The following TBCK variants were observed in gnomAD, a reference collection of about 807,000 sequenced individuals.
TBCK encodes TBC1 domain containing kinase.
A neutral mutation model predicts 113.4 loss-of-function variants in TBCK; 99 were observed. The observed-to-expected ratio is 0.87, with a 90% CI of 0.74 to 1.03. The LOEUF (loss-of-function observed/expected upper bound fraction) is 1.03, where lower values mean the gene tolerates loss of function less well. Ranked by LOEUF, TBCK falls within the 50% of genes least tolerant of loss-of-function variation. The pLI is 0.00. For synonymous variants in TBCK, 369 were observed against 370.8 expected (o/e 1.00, Z 0.05); for missense variants, 1,045 against 1,061.3 (o/e 0.98, Z 0.21).
chr4:106,289,025 C>A (rs1579522154), intron 3 of TBCK, among the ~76,000 whole-genome samples: 1 of 152,172 alleles, frequency 6.6e-6, no homozygotes, highest in Non-Finnish European at 1.5e-5. Flanking sequence ...AAACAAATCC[C>A]AAATCCGAAA....
chr4:106,289,840 G>A (rs1765503923), intron 3 of TBCK, among the ~76,000 whole-genome samples: 1 of 150,772 alleles, frequency 6.6e-6, no homozygotes, highest in Non-Finnish European at 1.5e-5. Flanking sequence ...AAAACATTAA[G>A]TTAAGAATAA....
chr4:106,290,666 AC>A (rs71300770), intron 3 of TBCK, among the ~76,000 whole-genome samples: 2 of 151,820 alleles, frequency 1.3e-5, no homozygotes, highest in African/African-American at 2.4e-5. Context: ...GGGGTTCCCA[AC>A]CCCCCCACCA....
chr4:106,116,981 C>A (rs184986921), intron 23 of TBCK, among the ~76,000 whole-genome samples: 2 of 152,166 alleles, frequency 1.3e-5, no homozygotes, highest in East Asian at 1.9e-4. Flanking sequence ...CATCCCCCCC[C>A]CATCTCAAAC....
At chr4:106,274,870 G>A (rs1211270518) in intron 3 of TBCK, among the ~76,000 whole-genome samples, 1 of 152,114 alleles carries the variant, frequency 6.6e-6, no homozygotes, top group Non-Finnish European at 1.5e-5. Flanking sequence ...GGTAGCACAG[G>A]CCTGTAATCT....
At chr4:106,287,052 T>C (rs749323785) in intron 3 of TBCK, among the ~76,000 whole-genome samples, 5 of 152,114 alleles carry the variant, frequency 3.3e-5, no homozygotes, top group Non-Finnish European at 4.4e-5. Context: ...GAGACTACCA[T>C]ACTGATGACC....
intron 25 of TBCK, among the ~76,000 whole-genome samples, chr4:106,071,839 T>G (rs1737495441): frequency 6.6e-6 from 1 of 152,248 alleles, no homozygotes. Context: ...TTGATCCCTT[T>G]ACTATTATGT....
At chr4:106,196,741 T>C (rs1336915815) in intron 20 of TBCK, among the ~76,000 whole-genome samples, 1 of 152,106 alleles carries the variant, frequency 6.6e-6, no homozygotes, top group Non-Finnish European at 1.5e-5. Flanking sequence ...AATTGTTCAT[T>C]TAAATTTAAA....
At chr4:106,055,822 G>A (rs978595209) in intron 25 of TBCK, among the ~76,000 whole-genome samples, 45 of 151,050 alleles carry the variant, frequency 3.0e-4, no homozygotes, top group Non-Finnish European at 1.3e-4. Context: ...ACAAATACAA[G>A]TTATTAATAT....
At chr4:106,137,725 C>T (rs1338194342) in intron 23 of TBCK, among the ~76,000 whole-genome samples, 1 of 139,820 alleles carries the variant, frequency 7.2e-6, no homozygotes, top group Non-Finnish European at 1.6e-5. Context: ...AGAATCTCCT[C>T]CCCTCAAACA....
intron 25 of TBCK, among the ~76,000 whole-genome samples, chr4:106,048,010 G>A (rs1401738062): frequency 6.6e-6 from 1 of 152,060 alleles, no homozygotes; most frequent in African/African-American, 2.4e-5. Context: ...ATATCTCAAG[G>A]CAGCAATCTA....
chr4:106,161,053 G>C (rs1239811127), intron 23 of TBCK, among the ~76,000 whole-genome samples: 2 of 151,914 alleles, frequency 1.3e-5, no homozygotes, highest in Non-Finnish European at 2.9e-5. Context: ...GGGAGAATAA[G>C]GAATTACAAT....
At chr4:106,131,482 G>C (rs998471747) in intron 23 of TBCK, among the ~76,000 whole-genome samples, 49 of 152,122 alleles carry the variant, frequency 3.2e-4, no homozygotes, top group African/African-American at 1.2e-3. Context: ...GCATGGTGGC[G>C]CATGCCTGTA....
chr4:106,216,744 G>C (rs1647047584), intron 19 of TBCK, among the ~76,000 whole-genome samples: 1 of 151,842 alleles, frequency 6.6e-6, no homozygotes, highest in African/African-American at 2.4e-5. Flanking sequence ...CAACCAAAAA[G>C]AGTCCAGGAC....
At chr4:106,177,523 G>T (rs536279180) in intron 22 of TBCK, among the ~76,000 whole-genome samples, 2 of 151,972 alleles carry the variant, frequency 1.3e-5, no homozygotes, top group East Asian at 3.9e-4. Context: ...AGAGACAGGG[G>T]TCTAGTTTCA....
At chr4:106,306,985 G>A (rs1767593706) in intron 2 of TBCK, among the ~76,000 whole-genome samples, 1 of 152,040 alleles carries the variant, frequency 6.6e-6, no homozygotes, top group Non-Finnish European at 1.5e-5. Flanking sequence ...TTTATCATCT[G>A]CTAGACAATT....
At chr4:106,188,751 G>A (rs78466725) in intron 22 of TBCK, among the ~76,000 whole-genome samples, 19,717 of 152,106 alleles carry the variant, frequency 0.13, 1,619 homozygotes, top group South Asian at 0.24. Flanking sequence ...CAATACGTAC[G>A]AAATATTTCT....
chr4:106,160,621 C>T (rs756795602), intron 23 of TBCK, among the ~76,000 whole-genome samples: 40 of 151,882 alleles, frequency 2.6e-4, no homozygotes, highest in East Asian at 7.7e-4. Context: ...GAAAAGTGTT[C>T]GCAAGTTTGA....
Position 106,244,652 on chromosome 4 carries a change from G to C in TBCK, c.1044C>G (p.Ser348=). The C allele has an allele frequency of 6.2e-7, 1 of 1,611,008 alleles. No individual in the cohort carries two copies. Among genetic ancestry groups the C allele is most frequent in the Non-Finnish European group, 8.5e-7 (1 of 1,178,854 alleles). ...KELVNKEIIR[S]KPPICTLPNF... ...TGGGGAGTGTGCAGATAGGTGGTTT[G>C]GATCGAATGATTTCCTTGTTGACAA... The change falls in exon 11 of 26, where the codon TCC becomes TCG. Residue 348 remains serine (S), a synonymous_variant. Transcript: ENST00000394708.
intron 22 of TBCK, among the ~76,000 whole-genome samples, chr4:106,179,519 G>C (rs1240639241): frequency 6.6e-6 from 1 of 151,944 alleles, no homozygotes; most frequent in South Asian, 2.1e-4. Flanking sequence ...TTGCTATTCA[G>C]AAGCACATCA....
Sources: allele counts gnomAD v4.1 joint callset (sites outside exome capture counted in the v4.1 genomes callset), GRCh38; gene constraint gnomAD v4.1.1; transcripts MANE v1.5; gene names NCBI Gene and HGNC (gene_info 2026-07-23, HGNC 2026-07-21).